Variants in DTNA observed in about 807,000 individuals in gnomAD.
DTNA encodes the protein dystrobrevin alpha.
Under a neutral mutation model 100.7 loss-of-function variants are expected in DTNA, and 43 were observed. The observed-to-expected ratio is 0.43, with a 90% confidence interval of 0.33 to 0.55. DTNA has a LOEUF of 0.55. Ranked by LOEUF, DTNA falls within the 20% of genes least tolerant of loss-of-function variation. The probability of loss-of-function intolerance (pLI) is 0.04; values close to 1 mark genes in which losing one functional copy is unlikely to be tolerated. For synonymous variants in DTNA, 349 were observed against 347.9 expected (o/e 1.00, Z -0.04); for missense variants, 798 against 953.9 (o/e 0.84, Z 2.15).
intron 9 of DTNA, among the ~76,000 whole-genome samples, chr18:34,824,361 A>G (rs2095801709): frequency 6.6e-6 from 1 of 152,106 alleles, no homozygotes; most frequent in African/African-American, 2.4e-5. Context: ...CTGTAGTCCC[A>G]GCTACTCGGG....
At chr18:34,720,979 A>G (rs1291677322) in intron 1 of DTNA, among the ~76,000 whole-genome samples, 2 of 152,226 alleles carry the variant, frequency 1.3e-5, no homozygotes, top group African/African-American at 4.8e-5. Context: ...ACAAGCTTTT[A>G]TCAACCATAA....
At chr18:34,610,437 CTT>C (rs1568013129) in intron 1 of DTNA, among the ~76,000 whole-genome samples, 2 of 152,126 alleles carry the variant, frequency 1.3e-5, no homozygotes, top group African/African-American at 4.8e-5. Flanking sequence ...AGTCCAGAAA[CTT>C]TATGACTTTA....
chr18:34,757,509 A>G (rs2092861323), intron 2 of DTNA, among the ~76,000 whole-genome samples: 1 of 152,226 alleles, frequency 6.6e-6, no homozygotes, highest in South Asian at 2.1e-4. Context: ...ACTGTATCAG[A>G]CAGCACACTG....
chr18:34,771,027 A>G (rs886896937), intron 3 of DTNA, among the ~76,000 whole-genome samples: 16 of 152,242 alleles, frequency 1.1e-4, no homozygotes, highest in African/African-American at 3.6e-4. Flanking sequence ...CTGGCCAAGA[A>G]TTACATTCTT....
intron 1 of DTNA, among the ~76,000 whole-genome samples, chr18:34,612,790 T>C (rs562432975): frequency 1.0e-3 from 157 of 152,306 alleles, no homozygotes; most frequent in African/African-American, 3.7e-3. Context: ...CTTATACTTA[T>C]GAAACACTAT....
At chr18:34,564,696 A>C (rs909952739) in intron 1 of DTNA, among the ~76,000 whole-genome samples, 1 of 152,214 alleles carries the variant, frequency 6.6e-6, no homozygotes, top group African/African-American at 2.4e-5. Context: ...ATTTGTTCAA[A>C]TACATACCAA....
chr18:34,772,146 T>C (rs192855893), intron 3 of DTNA, among the ~76,000 whole-genome samples: 1 of 152,208 alleles, frequency 6.6e-6, no homozygotes, highest in Non-Finnish European at 1.5e-5. Context: ...CTTTTAGTCC[T>C]ACTGGTTACA....
intron 1 of DTNA, among the ~76,000 whole-genome samples, chr18:34,633,850 C>T (rs939264571): frequency 6.6e-6 from 1 of 152,186 alleles, no homozygotes; most frequent in Non-Finnish European, 1.5e-5. Context: ...TTTCTTAAAA[C>T]TTCAATCAAC....
intron 1 of DTNA, among the ~76,000 whole-genome samples, chr18:34,554,137 G>A (rs1407780273): frequency 7.7e-6 from 1 of 129,208 alleles, no homozygotes; most frequent in African/African-American, 3.2e-5. Flanking sequence ...TCTCTTTGAA[G>A]CAATTGTGAA....
At chr18:34,685,286 T>G (rs1250813816) in intron 1 of DTNA, among the ~76,000 whole-genome samples, 1 of 152,344 alleles carries the variant, frequency 6.6e-6, no homozygotes, top group Middle Eastern at 3.4e-3. Context: ...TACATTTAAG[T>G]CTTTAATCCA....
At chr18:34,602,959 C>T (rs981809062) in intron 1 of DTNA, among the ~76,000 whole-genome samples, 4 of 150,906 alleles carry the variant, frequency 2.7e-5, no homozygotes, top group Admixed American at 6.6e-5. Context: ...ACCGAGATCA[C>T]GCCATTGTAC....
chr18:34,520,124 T>A (rs1475296557), intron 1 of DTNA, among the ~76,000 whole-genome samples: 1 of 152,144 alleles, frequency 6.6e-6, no homozygotes, highest in African/African-American at 2.4e-5. Flanking sequence ...TGATAAGAAA[T>A]GAGCTTTGTG....
chr18:34,619,693 A>G (rs1050535918), intron 1 of DTNA, among the ~76,000 whole-genome samples: 3 of 152,142 alleles, frequency 2.0e-5, no homozygotes, highest in African/African-American at 7.2e-5. Flanking sequence ...GATGAACACA[A>G]TGGCTTTGGA....
intron 1 of DTNA, among the ~76,000 whole-genome samples, chr18:34,635,570 C>T (rs181866003): frequency 3.9e-5 from 6 of 152,296 alleles, no homozygotes; most frequent in Admixed American, 2.6e-4. Context: ...TTATCTGTCT[C>T]ATACTTCATA....
intron 1 of DTNA, among the ~76,000 whole-genome samples, chr18:34,622,945 T>C (rs1479889162): frequency 6.6e-6 from 1 of 152,202 alleles, no homozygotes; most frequent in African/African-American, 2.4e-5. Flanking sequence ...CTCCCATATA[T>C]CTGTTTACAT....
chr18:34,493,665 G>A (rs528075600), intron 1 of DTNA, among the ~76,000 whole-genome samples: 2 of 150,250 alleles, frequency 1.3e-5, no homozygotes, highest in East Asian at 4.0e-4. Context: ...GCCGCGGGGC[G>A]GGAGGTGCAC....
intron 4 of DTNA, among the ~76,000 whole-genome samples, chr18:34,803,488 G>C (rs1340994610): frequency 6.6e-6 from 1 of 151,996 alleles, no homozygotes. Context: ...AAAATCATTG[G>C]TGGTCAATCC....
At chr18:34,712,441 G>C (rs918805928) in intron 1 of DTNA, among the ~76,000 whole-genome samples, 1 of 151,956 alleles carries the variant, frequency 6.6e-6, no homozygotes, top group East Asian at 1.9e-4. Flanking sequence ...TGTAGTTATG[G>C]GCTACCAGCC....
intron 21 of DTNA, among the ~76,000 whole-genome samples, chr18:34,883,585 T>C (rs2096894573): frequency 6.6e-6 from 1 of 152,130 alleles, no homozygotes; most frequent in African/African-American, 2.4e-5. Flanking sequence ...GTTGGGATTA[T>C]AGGCATAAGC....
Sources: allele counts gnomAD v4.1 joint callset (sites outside exome capture counted in the v4.1 genomes callset), GRCh38; gene constraint gnomAD v4.1.1; transcripts MANE v1.5; gene names NCBI Gene and HGNC (gene_info 2026-07-23, HGNC 2026-07-21).